Variants in FAM20C observed in about 807,000 individuals in gnomAD.
FAM20C encodes the protein extracellular serine/threonine protein kinase FAM20C.
A neutral mutation model predicts 51.5 loss-of-function variants in FAM20C; 40 were observed. The ratio of observed to expected loss-of-function variants is 0.78; its 90% CI spans 0.60 to 1.01. The LOEUF is 1.01. Ranked by LOEUF, FAM20C falls within the 50% of genes least tolerant of loss-of-function variation. The pLI is 0.00. For synonymous variants in FAM20C, 406 were observed against 380.6 expected, an observed-to-expected ratio of 1.07 and a Z score of -0.78; for missense variants, 861 against 844.7, an observed-to-expected ratio of 1.02 and a Z score of -0.24.
intron 3 of FAM20C, among the ~76,000 whole-genome samples, chr7:244,034 A>C (rs1030912461): frequency 6.6e-6 from 1 of 151,710 alleles, no homozygotes; most frequent in African/African-American, 2.4e-5. Flanking sequence ...TCCTGGGCTC[A>C]GGTGATCCTC....
rs375900913 is a variant in FAM20C, at chr7:258,359, T to C, written c.1446-287T>C. Among the ~76,000 whole-genome samples, 203 of 56,230 alleles carry C rather than the reference T, an allele frequency of 3.6e-3. 26 individuals are homozygous for C. Among genetic ancestry groups the C allele is most frequent in the Middle Eastern group, 0.023 (2 of 88 alleles). 36.9% of individuals were successfully genotyped at this position (56,230 alleles called of 152,430 possible). ...AGATGGGCAGGGTGGACCCACTGCC[T>C]GAGGTGCTGGAGATGGGCAGGGTGG... On this transcript the variant is annotated intron_variant, in intron 8 of 9. Transcript: ENST00000313766.
chr7:225,870 C>T lies in FAM20C; in HGVS notation c.863+16894C>T, dbSNP rs28708718. Among the ~76,000 whole-genome samples the T allele has an allele frequency of 5.1e-3, 31 of 6,076 alleles. 11 individuals are homozygous for T. The highest frequency in any genetic ancestry group is 8.8e-3 in the Non-Finnish European group (26 of 2,960). The allele number at this position is 6,076 out of a possible 152,430, so 4.0% of individuals were successfully genotyped here. On this transcript the variant is annotated intron_variant, in intron 3 of 9. Transcript: ENST00000313766. ...TGGCACCGTCACGGGGGTCGCATGG[C>T]GGCTGTCCCCTGAGTCTTCTCTCAC...
Position 256,073 on chromosome 7 carries a change from A to G in FAM20C, c.1253+44A>G, listed in dbSNP as rs374732415. The G allele has an allele frequency of 5.9e-6, 9 of 1,525,210 alleles. No homozygotes were observed. In the African/African-American group the frequency reaches 9.6e-5, roughly 16 times the overall value. The allele number at this position is 1,525,210 out of a possible 1,614,324, so 94.5% of individuals were successfully genotyped here. On this transcript the variant is annotated intron_variant, in intron 6 of 9. Transcript: ENST00000313766. Reference sequence around the variant, plus strand: ...GGCTGGCGTCCGGCCACCCTACGGCAGAGGGAGCTGGGCCTGGGCGGGCAT... The same window carrying G: ...GGCTGGCGTCCGGCCACCCTACGGCGGAGGGAGCTGGGCCTGGGCGGGCAT...
chr7:220,029 C>T (rs1416902484), intron 3 of FAM20C, among the ~76,000 whole-genome samples: 1 of 152,164 alleles, frequency 6.6e-6, no homozygotes, highest in Non-Finnish European at 1.5e-5. Context: ...CCGCTCCTCA[C>T]CCTGGGTCTG....
At position 256,754 on chromosome 7, in the gene FAM20C, T is replaced by C. The variant is rs1256872384; in HGVS notation, c.1354T>C (p.Phe452Leu). Reference sequence around the variant, plus strand: ...CGTCATGGACATGACGATCTTCGACTTCCTCATGGGTACGTCCCGCAGGGG... The same window carrying C: ...CGTCATGGACATGACGATCTTCGACCTCCTCATGGGTACGTCCCGCAGGGG... ...LDVMDMTIFD[F>L]LMGNMDRHHY... Residue 452 changes from phenylalanine to leucine, a missense_variant, in exon 7 of 10, where the codon TTC (phenylalanine) becomes CTC (leucine). Physicochemically the swap from Phe to Leu is conservative, Grantham distance 22. Coordinates refer to ENST00000313766, the MANE Select transcript of FAM20C (RefSeq NM_020223.4). The C allele has an allele frequency of 6.5e-7, 1 of 1,536,092 alleles. No homozygotes were observed. The highest frequency in any genetic ancestry group is 2.4e-5 in the East Asian group (1 of 40,886).
chr7:243,856 C>T (rs1003451902), intron 3 of FAM20C, among the ~76,000 whole-genome samples: 1 of 151,840 alleles, frequency 6.6e-6, no homozygotes, highest in South Asian at 2.1e-4. Flanking sequence ...CAGGCCTTTG[C>T]TCCAGGGGCC....
Position 206,516 on chromosome 7 carries a change from T to G in FAM20C, c.785-2382T>G, listed in dbSNP as rs35533104. ...GCACACGTGTCCACTGTGACGCGTC[T>G]GTCATGGTCCCCTCGGCCCTGCACA... On this transcript the variant is annotated intron_variant, in intron 2 of 9. Transcript: ENST00000313766. Among the ~76,000 whole-genome samples, 125 of 118,810 alleles carry G rather than the reference T, an allele frequency of 1.1e-3. 1 individual carries two copies. The highest frequency in any genetic ancestry group is 6.3e-3 in the East Asian group (23 of 3,628). The allele number at this position is 118,810 out of a possible 152,430, so 77.9% of individuals were successfully genotyped here. A position where few individuals can be genotyped will look rare whatever the true frequency, so the allele number is the denominator to read the frequency against.
intron 2 of FAM20C, among the ~76,000 whole-genome samples, chr7:196,142 G>C (rs573270850): frequency 6.6e-6 from 1 of 152,344 alleles, no homozygotes; most frequent in African/African-American, 2.4e-5. Flanking sequence ...ACCCTGGCTG[G>C]GTGGGGAGAC....
chr7:231,729 G>A (rs1429236999), intron 3 of FAM20C, among the ~76,000 whole-genome samples: 4 of 152,188 alleles, frequency 2.6e-5, no homozygotes, highest in Non-Finnish European at 4.4e-5. Flanking sequence ...GGCACCTGGC[G>A]GTGTGTGCAG....
intron 2 of FAM20C, among the ~76,000 whole-genome samples, chr7:195,944 G>A (rs1012577019): frequency 6.6e-6 from 1 of 152,236 alleles, no homozygotes; most frequent in East Asian, 1.9e-4. Context: ...TCTGCCGCAC[G>A]ATGAGCGGGG....
intron 3 of FAM20C, among the ~76,000 whole-genome samples, chr7:226,370 A>G (rs1295476165): frequency 6.6e-6 from 1 of 152,130 alleles, no homozygotes; most frequent in Non-Finnish European, 1.5e-5. Flanking sequence ...GATCAACGTT[A>G]ACAGCGTGTC....
chr7:240,749 G>A (rs1250890184), intron 3 of FAM20C, among the ~76,000 whole-genome samples: 3 of 152,068 alleles, frequency 2.0e-5, no homozygotes, highest in Non-Finnish European at 4.4e-5. Context: ...CTCCCCTTGA[G>A]TCCAGCAAAC....
At chr7:258,248 G>A (rs537722697) in intron 8 of FAM20C, among the ~76,000 whole-genome samples, 3 of 137,960 alleles carry the variant, frequency 2.2e-5, no homozygotes, top group African/African-American at 9.1e-5. Context: ...TGGACCCACT[G>A]CCTGAGGTGC....
chr7:240,942 T>C (rs1282165650), intron 3 of FAM20C, among the ~76,000 whole-genome samples: 3 of 152,080 alleles, frequency 2.0e-5, no homozygotes, highest in African/African-American at 7.2e-5. Context: ...ACGTCCTCCC[T>C]GAGCAGGGGG....
intron 3 of FAM20C, among the ~76,000 whole-genome samples, chr7:216,716 T>TGTGG (rs2115086271): frequency 6.6e-6 from 1 of 151,142 alleles, no homozygotes; most frequent in South Asian, 2.1e-4. Context: ...AGTGTGTGTG[T>TGTGG]GTGTGTGTGT....
At chr7:246,799 G>C (rs562927273) in intron 4 of FAM20C, among the ~76,000 whole-genome samples, 1 of 152,278 alleles carries the variant, frequency 6.6e-6, no homozygotes, top group African/African-American at 2.4e-5. Context: ...GCGGTAGGGA[G>C]AGCCTTTCAT....
At chr7:231,400 G>A (rs1787670752) in intron 3 of FAM20C, among the ~76,000 whole-genome samples, 1 of 151,996 alleles carries the variant, frequency 6.6e-6, no homozygotes, top group Non-Finnish European at 1.5e-5. Flanking sequence ...GGAGGGTCCC[G>A]GCGTCGAGGG....
chr7:234,276 T>C (rs959836357), intron 3 of FAM20C, among the ~76,000 whole-genome samples: 17 of 152,234 alleles, frequency 1.1e-4, no homozygotes, highest in Admixed American at 5.2e-4. Context: ...CCTGGGCCTC[T>C]TTCCTCAGCT....
chr7:237,287 C>T (rs1422166503), intron 3 of FAM20C, among the ~76,000 whole-genome samples: 3 of 152,148 alleles, frequency 2.0e-5, no homozygotes, highest in Non-Finnish European at 4.4e-5. Context: ...ATGAACTGCT[C>T]AGAGGAGTAG....
Sources: gnomAD v4.1 joint callset for allele counts (sites outside exome capture counted in the v4.1 genomes callset) on GRCh38, gnomAD v4.1.1 for gene constraint, MANE v1.5 for transcripts, NCBI Gene and HGNC (gene_info 2026-07-23, HGNC 2026-07-21) for gene names.